Variants in MARCHF1 observed in about 807,000 individuals in gnomAD.
MARCHF1 encodes membrane associated ring-CH-type finger 1.
Under a neutral mutation model 54.2 loss-of-function variants are expected in MARCHF1, and 40 were observed. The ratio of observed to expected loss-of-function variants is 0.74; its 90% CI spans 0.57 to 0.96. The LOEUF is 0.96. Among genes scored for constraint, MARCHF1 ranks in the 40% least tolerant of loss-of-function variants. MARCHF1 has a pLI of 0.00. For missense variants in MARCHF1, 586 were observed against 656.5 expected, an observed-to-expected ratio of 0.89 and a Z score of 1.17; for synonymous variants, 236 against 236.3, an observed-to-expected ratio of 1.00 and a Z score of 0.01.
chr4:164,323,597 CAAAAA>C (rs70952622), intron 1 of MARCHF1, among the ~76,000 whole-genome samples: 67 of 30,920 alleles, frequency 2.2e-3, no homozygotes, highest in African/African-American at 9.5e-3. Flanking sequence ...GGATGAGTAG[CAAAAA>C]AAAAAAAAAA....
chr4:164,285,676 T>A lies in MARCHF1; in HGVS notation c.-323+98194A>T, dbSNP rs537382480. 1.7e-3 allele frequency among the ~76,000 whole-genome samples: 253 copies of A among 151,848 alleles called. 1 individual carries two copies. The highest frequency in any genetic ancestry group is 5.8e-3 in the African/African-American group (239 of 41,480). ...CCAGGACAGTCTCGATCTCCTGACC[T>A]CGTGATCCACCAGCGACCTCGTAAT... On this transcript the variant is annotated intron_variant, in intron 1 of 9. Transcript: ENST00000514618.
chr4:163,734,227 A>G (rs998818705), intron 4 of MARCHF1, among the ~76,000 whole-genome samples: 1 of 152,194 alleles, frequency 6.6e-6, no homozygotes, highest in East Asian at 1.9e-4. Flanking sequence ...ACTGTTGGTG[A>G]GAATGTATAA....
intron 4 of MARCHF1, among the ~76,000 whole-genome samples, chr4:163,843,772 T>C (rs908683875): frequency 6.6e-6 from 1 of 151,980 alleles, no homozygotes; most frequent in African/African-American, 2.4e-5. Context: ...CCCCTACTTA[T>C]AAGTGAGAAT....
At chr4:164,087,727 T>C (rs991750443) in intron 2 of MARCHF1, among the ~76,000 whole-genome samples, 3 of 152,090 alleles carry the variant, frequency 2.0e-5, no homozygotes, top group Admixed American at 6.5e-5. Context: ...AAAGAGATAA[T>C]AGACAAAACA....
At chr4:164,351,285 C>G (rs1400807580) in intron 1 of MARCHF1, among the ~76,000 whole-genome samples, 2 of 150,750 alleles carry the variant, frequency 1.3e-5, no homozygotes, top group Non-Finnish European at 3.0e-5. Context: ...CTGCCTGCCT[C>G]TGTAGGCTCC....
intron 3 of MARCHF1, among the ~76,000 whole-genome samples, chr4:163,878,035 T>C (rs1180835372): frequency 6.6e-6 from 1 of 152,190 alleles, no homozygotes; most frequent in East Asian, 1.9e-4. Flanking sequence ...AAGGTTTTCT[T>C]TCCTATGTTT....
At chr4:163,868,742 G>GGAGA (rs1157362021) in intron 3 of MARCHF1, among the ~76,000 whole-genome samples, 4 of 151,720 alleles carry the variant, frequency 2.6e-5, no homozygotes, top group African/African-American at 9.7e-5. Flanking sequence ...GTTTCACTGT[G>GGAGA]GAGACAAAAG....
At chr4:163,731,442 G>T (rs1246550744) in intron 4 of MARCHF1, among the ~76,000 whole-genome samples, 2 of 152,194 alleles carry the variant, frequency 1.3e-5, no homozygotes, top group East Asian at 3.8e-4. Flanking sequence ...CAAATAAAGT[G>T]AGGCCTACAA....
intron 5 of MARCHF1, among the ~76,000 whole-genome samples, chr4:163,653,506 G>A (rs566156276): frequency 1.3e-5 from 2 of 151,810 alleles, no homozygotes; most frequent in East Asian, 1.9e-4. Flanking sequence ...ATCAGGTTAC[G>A]GTAACTGTAG....
chr4:164,222,425 G>T (rs1732141254), intron 1 of MARCHF1, among the ~76,000 whole-genome samples: 1 of 151,798 alleles, frequency 6.6e-6, no homozygotes, highest in Admixed American at 6.6e-5. Flanking sequence ...ATATTAGAAA[G>T]AAAAGCAGCC....
chr4:164,166,697 G>C (rs1010215123), intron 1 of MARCHF1, among the ~76,000 whole-genome samples: 1 of 151,736 alleles, frequency 6.6e-6, no homozygotes, highest in South Asian at 2.1e-4. Context: ...AAGAATGGAA[G>C]AAGTAAAATT....
chr4:164,013,833 C>A (rs1356474581), intron 2 of MARCHF1, among the ~76,000 whole-genome samples: 1 of 152,126 alleles, frequency 6.6e-6, no homozygotes, highest in Non-Finnish European at 1.5e-5. Flanking sequence ...CAAACAAAAG[C>A]TGAGGAATTT....
intron 1 of MARCHF1, among the ~76,000 whole-genome samples, chr4:164,285,594 A>C (rs1734125304): frequency 6.6e-6 from 1 of 151,602 alleles, no homozygotes; most frequent in South Asian, 2.1e-4. Context: ...AGGCGCCTGC[A>C]ACCACGCCCG....
In MARCHF1 at chr4:164,350,982, G is replaced by C. The variant is rs191328559; in HGVS notation, c.-323+32888C>G. ...CAAGGGGTCAGGGAGTTCCCTTTCC[G>C]AGTCAAAGAAAGGGGTGACGGACGC... is the stretch of plus-strand genomic sequence containing the variant. On this transcript the variant is annotated intron_variant, in intron 1 of 9. Transcript: ENST00000514618. Among the ~76,000 whole-genome samples, 586 of 152,098 alleles carry C rather than the reference G, an allele frequency of 3.9e-3. 5 individuals are homozygous for C. Among genetic ancestry groups the C allele is most frequent in the African/African-American group, 0.012 (511 of 41,526 alleles).
At chr4:164,074,577 A>C (rs1754937412) in intron 2 of MARCHF1, among the ~76,000 whole-genome samples, 1 of 152,192 alleles carries the variant, frequency 6.6e-6, no homozygotes, top group African/African-American at 2.4e-5. Context: ...CAAGTCTAAA[A>C]ATAGGTATTT....
At chr4:164,372,547 CAT>C (rs1259588291) in intron 1 of MARCHF1, among the ~76,000 whole-genome samples, 1 of 151,954 alleles carries the variant, frequency 6.6e-6, no homozygotes, top group Non-Finnish European at 1.5e-5. Context: ...TTATAATAAA[CAT>C]ATTTTACCTC....
chr4:163,846,389 G>T (rs901685261), intron 4 of MARCHF1, among the ~76,000 whole-genome samples: 1 of 152,088 alleles, frequency 6.6e-6, no homozygotes, highest in African/African-American at 2.4e-5. Context: ...TCCAACAGAG[G>T]CTATGTTTGC....
intron 1 of MARCHF1, among the ~76,000 whole-genome samples, chr4:164,274,651 A>G (rs1421010349): frequency 8.7e-6 from 1 of 115,304 alleles, no homozygotes; most frequent in Non-Finnish European, 1.8e-5. Context: ...TGTGTGCTTC[A>G]GGGTACACTT....
chr4:163,534,789 A>G (rs1333108760), intron 9 of MARCHF1, among the ~76,000 whole-genome samples: 1 of 148,020 alleles, frequency 6.8e-6, no homozygotes, highest in Non-Finnish European at 1.5e-5. Flanking sequence ...AAATAGAAGT[A>G]TGCTACTTGG....
Sources: allele counts gnomAD v4.1 joint callset (sites outside exome capture counted in the v4.1 genomes callset), GRCh38; gene constraint gnomAD v4.1.1; transcripts MANE v1.5; gene names NCBI Gene and HGNC (gene_info 2026-07-23, HGNC 2026-07-21).